Variants in MRPL48 observed in about 807,000 individuals in gnomAD.
MRPL48 encodes the protein mitochondrial ribosomal protein L48, also known as large ribosomal subunit protein mL48.
A neutral mutation model predicts 32.9 loss-of-function variants in MRPL48; 16 were observed. That is an observed-to-expected ratio of 0.49 (90% CI 0.33 to 0.74). The LOEUF is 0.74. Ranked by LOEUF, MRPL48 falls within the 30% of genes least tolerant of loss-of-function variation. The pLI is 0.02. For missense variants in MRPL48, 206 were observed against 245.3 expected (o/e 0.84, Z 1.07); for synonymous variants, 94 against 89.2 (o/e 1.05, Z -0.31).
At chr11:73,806,993 C>A (rs1027612483) in intron 2 of MRPL48, among the ~76,000 whole-genome samples, 6 of 152,114 alleles carry the variant, frequency 3.9e-5, no homozygotes, top group Admixed American at 3.9e-4. Flanking sequence ...CCTCAGCCTC[C>A]TGAGTAGCTG....
At chr11:73,798,263 ATACAAAATACAGCCTTT>A (rs779321215) in intron 1 of MRPL48, among the ~76,000 whole-genome samples, 252 of 152,182 alleles carry the variant, frequency 1.7e-3, no homozygotes, top group Middle Eastern at 3.4e-3. Context: ...TTTTTACAAA[ATACAAAATACAGCCTTT>A]TACAAAATAC....
chr11:73,852,946 A>C (rs917431670), intron 5 of MRPL48, among the ~76,000 whole-genome samples: 1 of 152,218 alleles, frequency 6.6e-6, no homozygotes, highest in East Asian at 1.9e-4. Context: ...ATTTGCAACA[A>C]CATAGATGGA....
intron 4 of MRPL48, among the ~76,000 whole-genome samples, chr11:73,826,900 C>G (rs1048606687): frequency 1.3e-5 from 2 of 151,714 alleles, no homozygotes; most frequent in East Asian, 3.9e-4. Context: ...CCTCAGCCTC[C>G]CGAGTAGCTG....
intron 3 of MRPL48, among the ~76,000 whole-genome samples, 185 bp from the exon 4 acceptor site, chr11:73,825,523 G>A (rs532765149): frequency 1.1e-3 from 172 of 151,948 alleles, no homozygotes; most frequent in Non-Finnish European, 2.0e-3. Flanking sequence ...AGCTACTTGG[G>A]GTCGGCGGGG....
intron 3 of MRPL48, chr11:73,823,054 A>G (rs1426877851): frequency 6.7e-6 from 3 of 449,134 alleles, no homozygotes; most frequent in African/African-American, 4.0e-5. Context: ...CAGGGCTTCC[A>G]CTGATTCTAC....
At chr11:73,809,234 C>T (rs1029963896) in intron 3 of MRPL48, among the ~76,000 whole-genome samples, 4 of 103,938 alleles carry the variant, frequency 3.8e-5, no homozygotes, top group Admixed American at 8.6e-5. Context: ...AGTGCTTGGC[C>T]AGGTGCCTCA....
intron 3 of MRPL48, among the ~76,000 whole-genome samples, chr11:73,824,326 A>G (rs960593901): frequency 6.6e-6 from 1 of 151,908 alleles, no homozygotes; most frequent in Non-Finnish European, 1.5e-5. Context: ...GCGGTGGCTC[A>G]CGCCTGCAAT....
intron 4 of MRPL48, among the ~76,000 whole-genome samples, chr11:73,844,168 A>C (rs1300352946): frequency 2.0e-5 from 3 of 151,224 alleles, no homozygotes; most frequent in Non-Finnish European, 4.4e-5. Context: ...TGGTGCTCAC[A>C]CCTGTAATCC....
At position 73,864,611 on chromosome 11, in the gene MRPL48, A is replaced by G. The variant is rs1948638921; in HGVS notation, c.*241A>G. 3.8e-6 allele frequency: 2 copies of G among 532,100 alleles called. No homozygotes were observed. The highest frequency in any genetic ancestry group is 6.1e-5 in the Admixed American group (2 of 32,598). 33.0% of individuals were successfully genotyped at this position (532,100 alleles called of 1,614,324 possible). A position where few individuals can be genotyped will look rare whatever the true frequency, so the allele number is the denominator to read the frequency against. ...AAATCTGCTGCAGATGTGTATATGT[A>G]TGTGTGTGTGAGAGAGAGAAATTGG... is the stretch of plus-strand genomic sequence containing the variant. On this transcript the variant is annotated 3_prime_UTR_variant, in exon 8 of 8. Coordinates refer to ENST00000310614, the MANE Select transcript of MRPL48 (RefSeq NM_016055.6).
chr11:73,845,058 C>A, intron 5 of MRPL48, 82 bp downstream of exon 5: 1 of 1,349,314 alleles, frequency 7.4e-7, no homozygotes, highest in Non-Finnish European at 1.0e-6. Context: ...TTTTGAGATA[C>A]AGTTTACATG....
intron 5 of MRPL48, among the ~76,000 whole-genome samples, chr11:73,856,928 A>G (rs1037240024): frequency 7.9e-5 from 12 of 152,224 alleles, no homozygotes; most frequent in Non-Finnish European, 1.0e-4. Context: ...AAAAACCCAT[A>G]CGTACTTTTA....
At chr11:73,858,215 A>C (rs990697421) in intron 5 of MRPL48, among the ~76,000 whole-genome samples, 3 of 152,256 alleles carry the variant, frequency 2.0e-5, no homozygotes, top group Non-Finnish European at 4.4e-5. Context: ...AGAGGAGATC[A>C]GAGATAATGC....
chr11:73,862,777 G>T (rs568149588), intron 6 of MRPL48, among the ~76,000 whole-genome samples: 9 of 151,998 alleles, frequency 5.9e-5, no homozygotes, highest in Admixed American at 5.9e-4. Context: ...AAAATTAGCC[G>T]GGACTGGTGG....
chr11:73,800,914 C>A (rs1947351591), intron 1 of MRPL48, among the ~76,000 whole-genome samples: 1 of 151,226 alleles, frequency 6.6e-6, no homozygotes. Context: ...CGGGTTCAAG[C>A]CATTCTCCTG....
chr11:73,813,629 T>A (rs1379763507), intron 3 of MRPL48, among the ~76,000 whole-genome samples: 1 of 152,214 alleles, frequency 6.6e-6, no homozygotes, highest in Non-Finnish European at 1.5e-5. Flanking sequence ...CTTGACTTTA[T>A]GTTTGTGTTT....
intron 5 of MRPL48, among the ~76,000 whole-genome samples, chr11:73,855,766 G>A (rs1050502021): frequency 2.6e-5 from 4 of 152,312 alleles, no homozygotes; most frequent in Non-Finnish European, 4.4e-5. Flanking sequence ...GATTACAGGC[G>A]TGAGCCACCG....
chr11:73,825,828 A>G, intron 4 of MRPL48, 32 bp downstream of exon 4: 1 of 1,525,152 alleles, frequency 6.6e-7, no homozygotes, highest in Non-Finnish European at 8.9e-7. Flanking sequence ...TTGGAAAAGG[A>G]TAATGTGCAG....
At chr11:73,827,576 C>G (rs1947920977) in intron 4 of MRPL48, among the ~76,000 whole-genome samples, 1 of 152,134 alleles carries the variant, frequency 6.6e-6, no homozygotes, top group Non-Finnish European at 1.5e-5. Flanking sequence ...CAATCTCAAG[C>G]CTGTCACTTC....
At chr11:73,827,863 A>G (rs1346975256) in intron 4 of MRPL48, among the ~76,000 whole-genome samples, 1 of 152,098 alleles carries the variant, frequency 6.6e-6, no homozygotes, top group East Asian at 1.9e-4. Flanking sequence ...CCCTACTAAA[A>G]TTGTTCCTTT....
Sources: allele counts gnomAD v4.1 joint callset (sites outside exome capture counted in the v4.1 genomes callset), GRCh38; gene constraint gnomAD v4.1.1; transcripts MANE v1.5; gene names NCBI Gene and HGNC (gene_info 2026-07-23, HGNC 2026-07-21).